The following ERI1 variants were observed in gnomAD, a reference collection of about 807,000 sequenced individuals.
ERI1 encodes 3'-5' exoribonuclease 1.
Under a neutral mutation model 39.7 loss-of-function variants are expected in ERI1, and 39 were observed. The ratio of observed to expected loss-of-function variants is 0.98; its 90% CI spans 0.76 to 1.28. The LOEUF (loss-of-function observed/expected upper bound fraction) is 1.28, where lower values mean the gene tolerates loss of function less well. Among genes scored for constraint, ERI1 ranks in the 50% most tolerant of loss-of-function variants. The pLI is 0.00. For missense variants in ERI1, 581 were observed against 416.9 expected (o/e 1.39, Z -3.43); for synonymous variants, 204 against 149.6 (o/e 1.36, Z -2.65).
chr8:9,065,649 C>G (rs1186654152), intron 3 of ERI1, among the ~76,000 whole-genome samples: 1 of 138,756 alleles, frequency 7.2e-6, no homozygotes, highest in Admixed American at 8.0e-5. Context: ...GAGCTGAGAT[C>G]GCAGCACTGC....
intron 3 of ERI1, among the ~76,000 whole-genome samples, chr8:9,066,340 A>G (rs978438511): frequency 5.3e-5 from 8 of 152,128 alleles, no homozygotes; most frequent in Non-Finnish European, 1.2e-4. Flanking sequence ...CCACAGATGG[A>G]TGTCTGTGAC....
chr8:9,066,959 A>T (rs1303401898), intron 3 of ERI1, among the ~76,000 whole-genome samples: 3 of 152,214 alleles, frequency 2.0e-5, no homozygotes, highest in Admixed American at 6.5e-5. Flanking sequence ...AATGTGGCAG[A>T]TGGGAATAAA....
chr8:9,011,478 T>C (rs1816660438), intron 2 of ERI1, 64 bp from the exon 3 acceptor site: 1 of 1,103,648 alleles, frequency 9.1e-7, no homozygotes, highest in African/African-American at 1.6e-5. Flanking sequence ...TGCCAGCAGG[T>C]GAGAGTTTTG....
At chr8:9,074,981 C>T (rs1268101758) in intron 3 of ERI1, among the ~76,000 whole-genome samples, 1 of 152,136 alleles carries the variant, frequency 6.6e-6, no homozygotes. Context: ...CCGGGCACCA[C>T]GTGTTTACTT....
intron 6 of ERI1, 120 bp downstream of exon 6, chr8:9,020,584 C>G (rs957618411): frequency 1.6e-6 from 1 of 616,850 alleles, no homozygotes; most frequent in Non-Finnish European, 2.7e-6. Flanking sequence ...ATAATTAGTT[C>G]TTACTCTTCA....
In ERI1 at chr8:9,030,982, T is replaced by C. The variant is rs1325749817; in HGVS notation, c.*948T>C. On this transcript the variant is annotated 3_prime_UTR_variant, in exon 7 of 7. Transcript: ENST00000250263. Reference sequence around the variant, plus strand: ...CAATAAAAGACTTGTTTTTCTGATTTTACATAGTAAATGGCTGCTAAGTAT... The same window carrying C: ...CAATAAAAGACTTGTTTTTCTGATTCTACATAGTAAATGGCTGCTAAGTAT... 6.6e-6 allele frequency: 1 copy of C among 152,224 alleles called. No individual in the cohort carries two copies. Among genetic ancestry groups the C allele is most frequent in the Non-Finnish European group, 1.5e-5 (1 of 68,030 alleles). The allele number at this position is 152,224 out of a possible 1,614,324, so 9.4% of individuals were successfully genotyped here.
At chr8:9,009,199 G>T in intron 2 of ERI1, 1 of 393,220 alleles carries the variant, frequency 2.5e-6, no homozygotes. Context: ...ACTAGGCATT[G>T]AAGTTATAAA....
intron 3 of ERI1, among the ~76,000 whole-genome samples, chr8:9,012,994 A>T (rs1435287397): frequency 6.6e-6 from 1 of 151,312 alleles, no homozygotes; most frequent in Non-Finnish European, 1.5e-5. Context: ...CCTTTACCCT[A>T]ACTCCTGGCA....
intron 3 of ERI1, among the ~76,000 whole-genome samples, chr8:9,013,359 C>G (rs1212467251): frequency 6.6e-6 from 1 of 151,352 alleles, no homozygotes; most frequent in Non-Finnish European, 1.5e-5. Flanking sequence ...CACTGCACTG[C>G]TGGCTTGAAT....
At chr8:9,020,623 A>T (rs1368383351) in intron 6 of ERI1, among the ~76,000 whole-genome samples, 159 bp downstream of exon 6, 1 of 152,178 alleles carries the variant, frequency 6.6e-6, no homozygotes, top group Admixed American at 6.5e-5. Context: ...TTCAAATTAG[A>T]TAAGCCTTTT....
At chr8:9,057,651 C>G (rs1003570716) in intron 3 of ERI1, among the ~76,000 whole-genome samples, 3 of 152,100 alleles carry the variant, frequency 2.0e-5, no homozygotes, top group South Asian at 2.1e-4. Context: ...ACTGTACATT[C>G]TAGTGAGGAG....
intron 3 of ERI1, among the ~76,000 whole-genome samples, chr8:9,069,140 A>G (rs1798974345): frequency 6.6e-6 from 1 of 152,128 alleles, no homozygotes; most frequent in East Asian, 1.9e-4. Flanking sequence ...TATTAAAAGG[A>G]CAAAAGGGTT....
chr8:9,072,211 T>C (rs964727827), intron 3 of ERI1, among the ~76,000 whole-genome samples: 1 of 152,172 alleles, frequency 6.6e-6, no homozygotes, highest in African/African-American at 2.4e-5. Context: ...GTCCTTTGGT[T>C]TTACCTCATA....
At chr8:9,073,128 T>G (rs1230812493) in intron 3 of ERI1, among the ~76,000 whole-genome samples, 1 of 152,238 alleles carries the variant, frequency 6.6e-6, no homozygotes, top group African/African-American at 2.4e-5. Context: ...AGTTTGAATC[T>G]TGGTTGCCTT....
intron 6 of ERI1, among the ~76,000 whole-genome samples, chr8:9,024,342 G>A (rs950679874): frequency 1.3e-5 from 2 of 152,144 alleles, no homozygotes; most frequent in Non-Finnish European, 2.9e-5. Context: ...CATATCAAGC[G>A]CAAATGTGGA....
chr8:9,034,219 A>G (rs562581690), downstream of ERI1, among the ~76,000 whole-genome samples: 2 of 152,226 alleles, frequency 1.3e-5, no homozygotes, highest in Non-Finnish European at 2.9e-5. Context: ...CTGCTTTTCT[A>G]CTTGCAAGTG....
At chr8:9,053,505 A>G (rs1798419960) in intron 3 of ERI1, among the ~76,000 whole-genome samples, 2 of 152,158 alleles carry the variant, frequency 1.3e-5, no homozygotes, top group African/African-American at 4.8e-5. Context: ...CGTCTCTTCC[A>G]TTTGGCTGTT....
chr8:9,051,427 C>T (rs1053484534), intron 3 of ERI1, among the ~76,000 whole-genome samples: 1 of 151,992 alleles, frequency 6.6e-6, no homozygotes, highest in Non-Finnish European at 1.5e-5. Flanking sequence ...AAGGCTGAGG[C>T]AAGCAGATCC....
intron 3 of ERI1, among the ~76,000 whole-genome samples, chr8:9,038,862 GACATTGCT>G (rs1458498896): frequency 6.6e-6 from 1 of 152,194 alleles, no homozygotes; most frequent in African/African-American, 2.4e-5. Context: ...GGATTAATAT[GACATTGCT>G]AGAATGAAAG....
Sources: allele counts gnomAD v4.1 joint callset (sites outside exome capture counted in the v4.1 genomes callset), GRCh38; gene constraint gnomAD v4.1.1; transcripts MANE v1.5; gene names NCBI Gene and HGNC (gene_info 2026-07-23, HGNC 2026-07-21).